The following SYNPO variants were observed in gnomAD, a reference collection of about 807,000 sequenced individuals.
SYNPO encodes the protein synaptopodin.
Under a neutral mutation model 49.5 loss-of-function variants are expected in SYNPO, and 19 were observed. The observed-to-expected ratio is 0.38, with a 90% CI of 0.27 to 0.56. The LOEUF (loss-of-function observed/expected upper bound fraction) is 0.56. Among genes scored for constraint, SYNPO ranks in the 20% least tolerant of loss-of-function variants. The probability of loss-of-function intolerance (pLI) is 0.68; values close to 1 mark genes in which losing one functional copy is unlikely to be tolerated. For synonymous variants in SYNPO, 536 were observed against 548.0 expected (o/e 0.98, Z 0.31); for missense variants, 1,131 against 1,248.3 (o/e 0.91, Z 1.42).
chr5:150,600,605 T>A (rs556873470), upstream of SYNPO, among the ~76,000 whole-genome samples: 175 of 152,138 alleles, frequency 1.2e-3, 1 homozygote, highest in Non-Finnish European at 1.7e-3. Flanking sequence ...GCTGGGGGGT[T>A]AAGGGATCCG....
At chr5:150,624,896 C>G (rs1277288112) in intron 2 of SYNPO, 2 of 985,372 alleles carry the variant, frequency 2.0e-6, no homozygotes, top group African/African-American at 3.5e-5. Flanking sequence ...GGACCGTGCG[C>G]AGCGGCTGGA....
upstream of SYNPO, among the ~76,000 whole-genome samples, chr5:150,596,202 C>T (rs1756421877): frequency 6.6e-6 from 1 of 152,174 alleles, no homozygotes; most frequent in South Asian, 2.1e-4. Flanking sequence ...AAATCCAGGG[C>T]TTGATAGAGA....
intron 2 of SYNPO, among the ~76,000 whole-genome samples, chr5:150,622,566 C>A (rs961883198): frequency 6.6e-6 from 1 of 152,210 alleles, no homozygotes. Flanking sequence ...CTCTAGTGGA[C>A]ACTGTTCTGA....
intron 2 of SYNPO, chr5:150,618,832 CA>C (rs770335086): frequency 9.8e-5 from 151 of 1,533,470 alleles, no homozygotes; most frequent in Non-Finnish European, 1.3e-4. Context: ...GTCCTTAGTA[CA>C]AGGGCTCCTG....
At chr5:150,629,060 C>G (rs1017418405) in intron 2 of SYNPO, among the ~76,000 whole-genome samples, 2 of 152,146 alleles carry the variant, frequency 1.3e-5, no homozygotes, top group African/African-American at 4.8e-5. Flanking sequence ...ACTCGGCCAC[C>G]CAGGCTGGGG....
Position 150,649,590 on chromosome 5 carries a change from A to G in SYNPO, c.1315A>G (p.Arg439Gly), listed in dbSNP as rs1222313879. The G allele has an allele frequency of 9.3e-6, 15 of 1,610,258 alleles. No homozygotes were observed. The highest frequency in any genetic ancestry group is 2.2e-5 in the East Asian group (1 of 44,828). ...NFQQEPAPRDRASPAAAEEVV... is the reference protein window; with the variant it reads ...NFQQEPAPRDGASPAAAEEVV... ...CCAGCAGGAGCCAGCACCTCGTGACAGGGCCAGCCCCGCGGCGGCGGAGGA... is the reference window on the plus strand; with the variant it reads ...CCAGCAGGAGCCAGCACCTCGTGACGGGGCCAGCCCCGCGGCGGCGGAGGA... The change falls in exon 2 of 3, where the codon AGG becomes GGG. Residue 439 changes from arginine (R) to glycine (G), a missense_variant. This residue lies in a region of SYNPO where 602 missense variants were observed against 720.7 expected (regional missense o/e 0.84). Transcript: ENST00000307662.
Position 150,657,192 on chromosome 5 carries a change from G to A in SYNPO, c.*105G>A. The A allele has an allele frequency of 7.8e-7, 1 of 1,280,912 alleles. No individual in the cohort carries two copies. The highest frequency in any genetic ancestry group is 1.5e-5 in the South Asian group (1 of 67,374). 79.3% of individuals were successfully genotyped at this position (1,280,912 alleles called of 1,614,324 possible). On this transcript the variant is annotated 3_prime_UTR_variant, in exon 3 of 3. Transcript: ENST00000307662. ...CTCTTTGGGCAGCCCCAGAGATGAG[G>A]GGTCAGCAGAGGAGAGCTCTGGGGT... is the stretch of plus-strand genomic sequence containing the variant.
At chr5:150,627,842 T>G (rs899404561) in intron 2 of SYNPO, among the ~76,000 whole-genome samples, 1 of 152,088 alleles carries the variant, frequency 6.6e-6, no homozygotes, top group Non-Finnish European at 1.5e-5. Flanking sequence ...ATGGTCATGC[T>G]CTGGGGCTAG....
chr5:150,605,479 C>A (rs1756665258), intron 1 of SYNPO, among the ~76,000 whole-genome samples: 1 of 147,898 alleles, frequency 6.8e-6, no homozygotes, highest in Admixed American at 6.8e-5. Context: ...GGCAACAAGG[C>A]AGGGATGGAG....
chr5:150,588,422 G>A, the SYNPO span, among the ~76,000 whole-genome samples: 2 of 152,272 alleles, frequency 1.3e-5, no homozygotes, highest in Non-Finnish European at 2.9e-5. Context: ...GTCTGCCAGG[G>A]GGAACTTCCC....
intron 1 of SYNPO, among the ~76,000 whole-genome samples, chr5:150,608,233 T>G (rs2151345084): frequency 6.6e-6 from 1 of 152,328 alleles, no homozygotes; most frequent in East Asian, 1.9e-4. Context: ...TTAATCCAAG[T>G]CCTTCAACCC....
chr5:150,640,850 G>A lies in SYNPO; in HGVS notation c.-337G>A. 2.0e-6 allele frequency: 2 copies of A among 985,624 alleles called. No homozygotes were observed. The highest frequency in any genetic ancestry group is 2.4e-6 in the Non-Finnish European group (2 of 829,970). 61.1% of individuals were successfully genotyped at this position (985,624 alleles called of 1,614,324 possible). A position where few individuals can be genotyped will look rare whatever the true frequency, so the allele number is the denominator to read the frequency against. ...GAAGCTTGGCTTCAGGGAGGACCTA[G>A]CAGAGTGAGTAAGATGAGCACCCGG... On this transcript the variant is annotated 5_prime_UTR_variant, in exon 1 of 3. Coordinates refer to ENST00000307662, the MANE Select transcript of SYNPO (RefSeq NM_007286.6).
upstream of SYNPO, among the ~76,000 whole-genome samples, chr5:150,598,340 A>C (rs978560898): frequency 4.6e-5 from 7 of 152,224 alleles, no homozygotes; most frequent in Admixed American, 6.5e-5. Context: ...CAGGGACAGA[A>C]AATGCTGCCC....
At chr5:150,614,032 C>T (rs1756920953) in intron 1 of SYNPO, among the ~76,000 whole-genome samples, 1 of 152,132 alleles carries the variant, frequency 6.6e-6, no homozygotes, top group African/African-American at 2.4e-5. Flanking sequence ...CCCCGAATGC[C>T]AGGCTCACCA....
At position 150,650,318 on chromosome 5, in the gene SYNPO, C is replaced by T; in HGVS notation, c.2028+15C>T. On this transcript the variant is annotated intron_variant, in intron 2 of 2. Transcript: ENST00000307662. ...TCGAGGCTCAGGTGTGGAAGCCTTC[C>T]TTCTGCTTCAAGTAACGAACCCCAC... The T allele has an allele frequency of 2.5e-6, 4 of 1,614,096 alleles. No homozygotes were observed. The highest frequency in any genetic ancestry group is 3.4e-6 in the Non-Finnish European group (4 of 1,179,998).
intron 1 of SYNPO, among the ~76,000 whole-genome samples, chr5:150,613,915 AG>A (rs1756917663): frequency 6.6e-6 from 1 of 152,140 alleles, no homozygotes; most frequent in Non-Finnish European, 1.5e-5. Context: ...ACAGCTTACA[AG>A]GGAGGCTCTT....
At chr5:150,650,781 A>G (rs1437935171) in intron 2 of SYNPO, 2 of 1,292,484 alleles carry the variant, frequency 1.5e-6, no homozygotes, top group Admixed American at 3.7e-5. Context: ...CAGCTGCCCC[A>G]GGGGGGCCTC....
upstream of SYNPO, among the ~76,000 whole-genome samples, chr5:150,596,452 T>A (rs1178458487): frequency 6.6e-6 from 1 of 152,154 alleles, no homozygotes; most frequent in Non-Finnish European, 1.5e-5. Context: ...CGACGTTCGA[T>A]CCCAGGCCTC....
At chr5:150,609,787 G>GGC (rs1554107082) in intron 1 of SYNPO, among the ~76,000 whole-genome samples, 5 of 61,854 alleles carry the variant, frequency 8.1e-5, no homozygotes, top group East Asian at 8.4e-4. Flanking sequence ...TGAATGTGGC[G>GGC]GGGGGGGGCA....
Sources: allele counts gnomAD v4.1 joint callset (sites outside exome capture counted in the v4.1 genomes callset), GRCh38; gene constraint gnomAD v4.1.1; regional missense constraint gnomAD v4.1.1; transcripts MANE v1.5; gene names NCBI Gene and HGNC (gene_info 2026-07-23, HGNC 2026-07-21).